The following PKD1L3 variants were observed in gnomAD, a reference collection of about 807,000 sequenced individuals.
PKD1L3 encodes polycystin 1 like 3, transient receptor potential channel interacting, also known as polycystin-1-like protein 3.
Under a neutral mutation model 184.1 loss-of-function variants are expected in PKD1L3, and 239 were observed. The observed-to-expected ratio is 1.30, with a 90% CI of 1.17 to 1.45. The LOEUF is 1.45. Among genes scored for constraint, PKD1L3 ranks in the 40% most tolerant of loss-of-function variants. The pLI is 0.00. For missense variants in PKD1L3, 2,660 were observed against 2,067.2 expected, an observed-to-expected ratio of 1.29 and a Z score of -5.56; for synonymous variants, 996 against 778.8, an observed-to-expected ratio of 1.28 and a Z score of -4.64.
intron 18 of PKD1L3, among the ~76,000 whole-genome samples, 160 bp downstream of exon 18, chr16:71,952,734 G>T (rs2038890426): frequency 6.6e-6 from 1 of 151,704 alleles, no homozygotes; most frequent in Non-Finnish European, 1.5e-5. Flanking sequence ...TACTTGGGAG[G>T]CTGAGGTGGG....
chr16:71,950,407 A>G (rs993768298), intron 19 of PKD1L3, 97 bp from the exon 20 acceptor site: 12 of 1,105,938 alleles, frequency 1.1e-5, no homozygotes, highest in Middle Eastern at 5.9e-4. Context: ...TGATGAGGCT[A>G]TATTTTCCCA....
chr16:71,979,022 T>G (rs577796571), intron 9 of PKD1L3, among the ~76,000 whole-genome samples: 2 of 152,368 alleles, frequency 1.3e-5, no homozygotes, highest in Admixed American at 1.3e-4. Flanking sequence ...GTAACTGTTC[T>G]GCTCTTCAGG....
chr16:71,931,463 C>CTTTTTTTTTT (rs11405919), intron 28 of PKD1L3, among the ~76,000 whole-genome samples: 1 of 115,920 alleles, frequency 8.6e-6, no homozygotes, highest in South Asian at 3.2e-4. Context: ...TTCTCCCCCA[C>CTTTTTTTTTT]TTTTTTTTTT....
At chr16:71,997,879 C>CT (rs2040849105) in intron 2 of PKD1L3, among the ~76,000 whole-genome samples, 1 of 152,140 alleles carries the variant, frequency 6.6e-6, no homozygotes, top group Non-Finnish European at 1.5e-5. Context: ...GGATAACAGC[C>CT]CTCTCACCGT....
chr16:71,984,212 CT>C (rs917033346), intron 5 of PKD1L3, 45 bp from the exon 6 acceptor site: 4 of 1,532,590 alleles, frequency 2.6e-6, no homozygotes, highest in Non-Finnish European at 3.5e-6. Context: ...TACAAAATTA[CT>C]GTACTGTAGT....
intron 9 of PKD1L3, 91 bp from the exon 10 acceptor site, chr16:71,978,474 T>C: frequency 2.9e-6 from 1 of 348,234 alleles, no homozygotes; most frequent in Non-Finnish European, 4.4e-6. Flanking sequence ...CATATGTATA[T>C]ATGTGTGTGT....
chr16:71,979,238 G>C (rs1043206736), intron 9 of PKD1L3, among the ~76,000 whole-genome samples: 1 of 152,118 alleles, frequency 6.6e-6, no homozygotes, highest in African/African-American at 2.4e-5. Context: ...GAGGTCCGTA[G>C]TTTGAGACCA....
intron 28 of PKD1L3, among the ~76,000 whole-genome samples, chr16:71,933,055 C>T (rs1567485057): frequency 6.6e-6 from 1 of 152,076 alleles, no homozygotes; most frequent in East Asian, 1.9e-4. Context: ...CCTCTCATGG[C>T]TTGAACCAAC....
rs1567547892 is a variant in PKD1L3, at chr16:71,986,299, A to C, written c.756T>G (p.Thr252=). 3 of 1,552,020 alleles carry C rather than the reference A, an allele frequency of 1.9e-6. No homozygotes were observed. The highest frequency in any genetic ancestry group is 2.4e-5 in the East Asian group (1 of 40,934). The change falls in exon 5 of 30, where the codon ACT becomes ACG. Residue 252 remains threonine (T), a synonymous_variant. Transcript: ENST00000620267. Reference sequence around the variant, plus strand: ...GATGACCTTCTTCCTTTGGGCTTGAAGTTGTTTCTGCCAGAGATTGCCCAG... The same window carrying C: ...GATGACCTTCTTCCTTTGGGCTTGACGTTGTTTCTGCCAGAGATTGCCCAG... ...THAGQSLAET[T]SSPKEEGHPN...
intron 21 of PKD1L3, 121 bp downstream of exon 21, chr16:71,949,662 T>C (rs2038752967): frequency 3.2e-6 from 3 of 930,416 alleles, no homozygotes; most frequent in Non-Finnish European, 4.8e-6. Context: ...CTGGTTTGCC[T>C]ATTTGTTTTT....
intron 4 of PKD1L3, among the ~76,000 whole-genome samples, chr16:71,988,637 G>T (rs1567551006): frequency 6.6e-6 from 1 of 152,186 alleles, no homozygotes. Flanking sequence ...TTCTCTTCCA[G>T]CAACATATTA....
rs1389902021 is a variant in PKD1L3 at position 71,949,933 on chromosome 16, G to A, written c.3468C>T (p.Val1156=). 2.6e-6 allele frequency: 4 copies of A among 1,551,612 alleles called. No homozygotes were observed. Among genetic ancestry groups the A allele is most frequent in the Non-Finnish European group, 8.7e-7 (1 of 1,147,002 alleles). Residue 1156 remains valine, a synonymous_variant, in exon 21 of 30, where the codon GTC becomes GTT. Coordinates refer to ENST00000620267, the MANE Select transcript of PKD1L3 (RefSeq NM_181536.2). ...SNGLSKWLTS[V]CWLLLGFTSL... is the part of the protein sequence containing the mutation. ...TAGTGAAACCTAAGAGGAGCCAGCAGACTGAAGTCAACCATTTGGACAGGC... is the reference window on the plus strand; with the variant it reads ...TAGTGAAACCTAAGAGGAGCCAGCAAACTGAAGTCAACCATTTGGACAGGC...
Position 71,949,985 on chromosome 16 carries a change from T to C in PKD1L3, c.3416A>G (p.Glu1139Gly), listed in dbSNP as rs1227081142. 6.4e-7 allele frequency: 1 copy of C among 1,551,208 alleles called. No homozygotes were observed. Among genetic ancestry groups the C allele is most frequent in the Admixed American group, 2.0e-5 (1 of 50,814 alleles). ...ATTTGAGATGGGCTTTTTTCCTTCT[T>C]CTGAGCTCAGGATGGCAAAACTGGT... ...EVTSFAILSSEEGKKPISNGL... is the reference protein window; with the variant it reads ...EVTSFAILSSGEGKKPISNGL... Residue 1139 changes from glutamate (E) to glycine (G), a missense_variant, in exon 21 of 30, where the codon GAA (glutamate) becomes GGA (glycine). By Grantham distance (98) the Glu-to-Gly change is moderately conservative. Coordinates refer to ENST00000620267, the MANE Select transcript of PKD1L3 (RefSeq NM_181536.2).
At chr16:71,931,920 G>A (rs1323159657) in intron 28 of PKD1L3, among the ~76,000 whole-genome samples, 2 of 152,198 alleles carry the variant, frequency 1.3e-5, no homozygotes, top group Non-Finnish European at 2.9e-5. Flanking sequence ...GTGGGAGACA[G>A]TCTCGCTCAG....
In PKD1L3 at chr16:71,954,093, G is replaced by T. The variant is rs1328799870; in HGVS notation, c.2809+12C>A. ...CTTACTACAAACAACACACATCAGG[G>T]CTCATCCATACTTTGCTCATCTCTC... On this transcript the variant is annotated intron_variant, in intron 17 of 29. Transcript: ENST00000620267. 5 of 1,516,614 alleles carry T rather than the reference G, an allele frequency of 3.3e-6. No individual in the cohort carries two copies. The South Asian group carries it at 5.1e-5, about 16-fold the overall frequency. 93.9% of individuals were successfully genotyped at this position (1,516,614 alleles called of 1,614,324 possible). A position where few individuals can be genotyped will look rare whatever the true frequency, so the allele number is the denominator to read the frequency against.
chr16:71,998,247 G>T (rs1325121736), intron 2 of PKD1L3, 25 bp downstream of exon 2: 3 of 1,550,918 alleles, frequency 1.9e-6, no homozygotes, highest in African/African-American at 2.7e-5. Context: ...TTGGGTCTTT[G>T]GCAGCATGTA....
At chr16:71,951,810 C>T (rs1567506543) in intron 18 of PKD1L3, 66 bp from the exon 19 acceptor site, 3 of 1,428,968 alleles carry the variant, frequency 2.1e-6, no homozygotes, top group Admixed American at 2.2e-5. Context: ...GTACCAATTA[C>T]AGGTGGTAAG....
At chr16:71,981,830 C>T (rs565848140) in intron 7 of PKD1L3, among the ~76,000 whole-genome samples, 8 of 152,192 alleles carry the variant, frequency 5.3e-5, no homozygotes, top group South Asian at 4.2e-4. Context: ...TGTGAGCCAC[C>T]GGGTCCAGCC....
chr16:71,943,537 C>CAAAAA lies in PKD1L3; in HGVS notation c.3859+488_3859+492dup, dbSNP rs10693124. Among the ~76,000 whole-genome samples, 246 of 84,344 alleles carry CAAAAA rather than the reference C, an allele frequency of 2.9e-3. 6 individuals are homozygous for CAAAAA. Among genetic ancestry groups the CAAAAA allele is most frequent in the East Asian group, 0.013 (37 of 2,960 alleles). 55.3% of individuals were successfully genotyped at this position (84,344 alleles called of 152,430 possible). ...TGGGCAACAAAGTGAGACTCCGTCT[C>CAAAAA]AAAAAAAAAAAAAAAAAAAAACATA... On this transcript the variant is annotated intron_variant, in intron 23 of 29. Transcript: ENST00000620267.
Sources: gnomAD v4.1 joint callset for allele counts (sites outside exome capture counted in the v4.1 genomes callset) on GRCh38, gnomAD v4.1.1 for gene constraint, MANE v1.5 for transcripts, NCBI Gene and HGNC (gene_info 2026-07-23, HGNC 2026-07-21) for gene names.